The following ATP8A1 variants were observed in gnomAD, a reference collection of about 807,000 sequenced individuals.
The protein encoded by ATP8A1 is ATPase phospholipid transporting 8A1.
A neutral mutation model predicts 177.7 loss-of-function variants in ATP8A1; 90 were observed. The observed-to-expected ratio is 0.51, with a 90% CI of 0.43 to 0.60. The LOEUF is 0.60. ATP8A1 is among the 20% of genes least tolerant of loss of function. The pLI is 0.00. For missense variants in ATP8A1, 1,072 were observed against 1,392.8 expected (o/e 0.77, Z 3.67); for synonymous variants, 493 against 485.9 (o/e 1.01, Z -0.19).
chr4:42,419,433 TACAGAGTATAA>T (rs531236522), intron 35 of ATP8A1, among the ~76,000 whole-genome samples: 2,344 of 152,292 alleles, frequency 0.015, 32 homozygotes, highest in South Asian at 0.051. Flanking sequence ...TAGAAGTTTA[TACAGAGTATAA>T]ACAGAGTATA....
chr4:42,491,608 T>G (rs1011823943), intron 24 of ATP8A1, among the ~76,000 whole-genome samples: 2 of 152,076 alleles, frequency 1.3e-5, no homozygotes, highest in African/African-American at 4.8e-5. Context: ...TGAAATAAAT[T>G]AAAAGCCCTG....
rs1712463717 is a variant in ATP8A1, at chr4:42,410,439, T to C, written c.*2477A>G. ...TGTTAAAAGTCACATTGACTGTTTA[T>C]TTCAATCCTGGTAAAACCATGTGAC... On this transcript the variant is annotated 3_prime_UTR_variant, in exon 37 of 37. Transcript: ENST00000381668. 6.6e-6 allele frequency: 1 copy of C among 152,210 alleles called. No individual in the cohort carries two copies. The highest frequency in any genetic ancestry group is 2.1e-4 in the South Asian group (1 of 4,838). The allele number at this position is 152,210 out of a possible 1,614,324, so 9.4% of individuals were successfully genotyped here. A position where few individuals can be genotyped will look rare whatever the true frequency, so the allele number is the denominator to read the frequency against.
At chr4:42,444,547 A>C in intron 32 of ATP8A1, 31 bp downstream of exon 32, 1 of 1,597,292 alleles carries the variant, frequency 6.3e-7, no homozygotes, top group Non-Finnish European at 8.6e-7. Flanking sequence ...TAAATGTGAC[A>C]TTTCTTGGTT....
Position 42,412,873 on chromosome 4 carries a change from C to T in ATP8A1, c.*43G>A, listed in dbSNP as rs1712777887. ...AGACTGCGGTGACAACCTGGTAGCT[C>T]TCCTTAGAGAGGTAACAGAGCCTGC... On this transcript the variant is annotated 3_prime_UTR_variant, in exon 37 of 37. Coordinates refer to ENST00000381668, the MANE Select transcript of ATP8A1 (RefSeq NM_006095.2). 2.6e-6 allele frequency: 4 copies of T among 1,568,608 alleles called. No homozygotes were observed. The highest frequency in any genetic ancestry group is 2.6e-6 in the Non-Finnish European group (3 of 1,140,642).
chr4:42,465,654 A>G (rs1172916609), intron 25 of ATP8A1, among the ~76,000 whole-genome samples: 1 of 152,222 alleles, frequency 6.6e-6, no homozygotes, highest in Admixed American at 6.5e-5. Context: ...CAGGAACAGA[A>G]AACACCAGTA....
rs55945370 is a variant in ATP8A1 at position 42,435,426 on chromosome 4, C to CAAAAAAAAA, written c.3123+8130_3123+8138dup. Among the ~76,000 whole-genome samples, 79 of 93,924 alleles carry CAAAAAAAAA rather than the reference C, an allele frequency of 8.4e-4. 2 individuals are homozygous for CAAAAAAAAA. Among genetic ancestry groups the CAAAAAAAAA allele is most frequent in the African/African-American group, 1.8e-3 (48 of 26,668 alleles). 61.6% of individuals were successfully genotyped at this position (93,924 alleles called of 152,430 possible). A position where few individuals can be genotyped will look rare whatever the true frequency, so the allele number is the denominator to read the frequency against. The stretch of plus-strand genomic sequence containing the variant: ...GGGGGACAAGAGCGAGACTTCATCT[C>CAAAAAAAAA]AAAAAAAAAAAAAAAAAAAAAAACA... On this transcript the variant is annotated intron_variant, in intron 33 of 36. Transcript: ENST00000381668.
chr4:42,642,459 G>C (rs1228689822), intron 1 of ATP8A1, among the ~76,000 whole-genome samples: 1 of 152,182 alleles, frequency 6.6e-6, no homozygotes, highest in Admixed American at 6.5e-5. Context: ...GCATCCTTCA[G>C]TTTGTCAGGA....
Position 42,522,708 on chromosome 4 carries a change from C to T in ATP8A1, c.1808-409G>A, listed in dbSNP as rs1171717584. ...CTTCCCACATAGGGGGGTCTTTGCACATGCTGGTAACTTTTTCTCCATTCT... is the reference window on the plus strand; with the variant it reads ...CTTCCCACATAGGGGGGTCTTTGCATATGCTGGTAACTTTTTCTCCATTCT... On this transcript the variant is annotated intron_variant, in intron 21 of 36. Coordinates refer to ENST00000381668, the MANE Select transcript of ATP8A1 (RefSeq NM_006095.2). Among the ~76,000 whole-genome samples the T allele has an allele frequency of 3.3e-5, 5 of 152,110 alleles. No individual in the cohort carries two copies. The East Asian group carries it at 9.6e-4, about 29-fold the overall frequency.
intron 24 of ATP8A1, among the ~76,000 whole-genome samples, chr4:42,489,485 A>G (rs555999089): frequency 7.7e-4 from 118 of 152,342 alleles, no homozygotes; most frequent in African/African-American, 2.6e-3. Flanking sequence ...TGTGATAGAA[A>G]TAACATTTCA....
chr4:42,433,258 C>T (rs986161432), intron 33 of ATP8A1, among the ~76,000 whole-genome samples: 3 of 147,026 alleles, frequency 2.0e-5, no homozygotes, highest in Non-Finnish European at 4.5e-5. Context: ...CTTTTCCAAA[C>T]AACAGCTTGG....
chr4:42,443,216 T>C (rs1480090660), intron 33 of ATP8A1, among the ~76,000 whole-genome samples: 2 of 152,364 alleles, frequency 1.3e-5, no homozygotes, highest in Middle Eastern at 3.4e-3. Context: ...AAACTCACCA[T>C]TTCCCCAAAT....
rs1258095617 is a variant in ATP8A1 at position 42,555,127 on chromosome 4, ATCTATCTATCTAATCTATCT to A, written c.1413+821_1413+840del. Among the ~76,000 whole-genome samples the A allele has an allele frequency of 5.7e-3, 528 of 92,214 alleles. 2 individuals carry two copies. Among genetic ancestry groups the A allele is most frequent in the South Asian group, 8.8e-3 (25 of 2,830 alleles). The allele number at this position is 92,214 out of a possible 152,430, so 60.5% of individuals were successfully genotyped here. ...TATCTATCTATCTATCTATCTATCT[ATCTATCTATCTAATCTATCT>A]ATCTATCTATCTATCTATCTATCTA... On this transcript the variant is annotated intron_variant, in intron 16 of 36. Coordinates refer to ENST00000381668, the MANE Select transcript of ATP8A1 (RefSeq NM_006095.2).
At chr4:42,534,868 A>G (rs1432036084) in intron 20 of ATP8A1, among the ~76,000 whole-genome samples, 2 of 152,224 alleles carry the variant, frequency 1.3e-5, no homozygotes, top group Non-Finnish European at 1.5e-5. Context: ...AGCCTCAAAT[A>G]AAACAATTAT....
chr4:42,622,296 C>A (rs931160948), intron 4 of ATP8A1, among the ~76,000 whole-genome samples: 1 of 151,544 alleles, frequency 6.6e-6, no homozygotes, highest in Non-Finnish European at 1.5e-5. Context: ...GTGGGAGAAT[C>A]GCTTGAACCC....
intron 6 of ATP8A1, among the ~76,000 whole-genome samples, chr4:42,593,720 C>T (rs1367876581): frequency 6.6e-6 from 1 of 151,728 alleles, no homozygotes; most frequent in African/African-American, 2.4e-5. Flanking sequence ...AGTAACAGTG[C>T]CATATGTTCT....
intron 33 of ATP8A1, among the ~76,000 whole-genome samples, chr4:42,435,821 G>A (rs1199869950): frequency 2.0e-5 from 3 of 152,180 alleles, no homozygotes; most frequent in African/African-American, 4.8e-5. Context: ...CCCAACTTCA[G>A]AAAGACCTTC....
chr4:42,505,153 T>C (rs1233252171), intron 23 of ATP8A1, among the ~76,000 whole-genome samples: 1 of 152,254 alleles, frequency 6.6e-6, no homozygotes, highest in Non-Finnish European at 1.5e-5. Flanking sequence ...GACTAGTATC[T>C]GAGCTCCACA....
chr4:42,576,475 CAAAAAAA>C (rs1159794343), intron 12 of ATP8A1, among the ~76,000 whole-genome samples: 9 of 32,400 alleles, frequency 2.8e-4, no homozygotes, highest in Non-Finnish European at 4.4e-4. Flanking sequence ...GACGCCGTCT[CAAAAAAA>C]AAAAAAAAAA....
intron 35 of ATP8A1, among the ~76,000 whole-genome samples, chr4:42,418,144 C>T (rs1713456364): frequency 6.6e-6 from 1 of 152,142 alleles, no homozygotes; most frequent in African/African-American, 2.4e-5. Context: ...AGAGCACTGT[C>T]ACCATCTACA....
Sources: gnomAD v4.1 joint callset for allele counts (sites outside exome capture counted in the v4.1 genomes callset) on GRCh38, gnomAD v4.1.1 for gene constraint, MANE v1.5 for transcripts, NCBI Gene and HGNC (gene_info 2026-07-23, HGNC 2026-07-21) for gene names.